SHANK2: variants seen among roughly 807,000 people sequenced by gnomAD.
SHANK2 encodes the protein SH3 and multiple ankyrin repeat domains protein 2.
A neutral mutation model predicts 133.7 loss-of-function variants in SHANK2; 43 were observed. The observed-to-expected ratio is 0.32, with a 90% CI of 0.25 to 0.41. The LOEUF is 0.41. Among genes scored for constraint, SHANK2 ranks in the 10% least tolerant of loss-of-function variants. SHANK2 has a pLI of 1.00. For missense variants in SHANK2, 1,994 were observed against 2,235.8 expected (o/e 0.89, Z 2.18); for synonymous variants, 1,017 against 952.8 (o/e 1.07, Z -1.24).
chr11:70,623,092 C>T (rs1465810090), intron 17 of SHANK2, among the ~76,000 whole-genome samples: 8 of 152,074 alleles, frequency 5.3e-5, no homozygotes, highest in South Asian at 2.1e-4. Context: ...AGGAGAATGG[C>T]GTGAACCCGG....
At chr11:70,794,112 C>T (rs921880679) in intron 14 of SHANK2, among the ~76,000 whole-genome samples, 1 of 152,016 alleles carries the variant, frequency 6.6e-6, no homozygotes, top group Non-Finnish European at 1.5e-5. Context: ...GAAATCCCCT[C>T]CTTACTAAAA....
intron 1 of SHANK2, among the ~76,000 whole-genome samples, chr11:71,246,607 C>T (rs1242343170): frequency 6.6e-6 from 1 of 152,122 alleles, no homozygotes; most frequent in Non-Finnish European, 1.5e-5. Flanking sequence ...GTAGACCCAG[C>T]TCAGTCTAAA....
chr11:70,595,142 C>A (rs1001630146), intron 17 of SHANK2, among the ~76,000 whole-genome samples: 6 of 152,158 alleles, frequency 3.9e-5, no homozygotes, highest in Non-Finnish European at 8.8e-5. Context: ...TTGCTCTCTG[C>A]CAGGGTACAA....
At chr11:70,675,489 C>A (rs1944889685) in intron 15 of SHANK2, among the ~76,000 whole-genome samples, 1 of 152,160 alleles carries the variant, frequency 6.6e-6, no homozygotes, top group Non-Finnish European at 1.5e-5. Context: ...GGTTACTGAA[C>A]GATAGTGATA....
chr11:70,901,415 G>A (rs1267988597), intron 10 of SHANK2, among the ~76,000 whole-genome samples: 2 of 152,214 alleles, frequency 1.3e-5, no homozygotes, highest in Admixed American at 1.3e-4. Flanking sequence ...AAAGTGCCCT[G>A]CGCAGGGGAA....
Position 70,728,070 on chromosome 11 carries a change from A to C in SHANK2, c.1778-29307T>G, listed in dbSNP as rs782038718. Among the ~76,000 whole-genome samples the C allele has an allele frequency of 3.0e-4, 45 of 152,234 alleles. 1 individual carries two copies. Among genetic ancestry groups the C allele is most frequent in the Non-Finnish European group, 1.0e-4 (7 of 68,032 alleles). ...AGAGTAAATGAATATGCAAGCACCC[A>C]GTGTCAGGGCAAGAACAGGCAGGTG... On this transcript the variant is annotated intron_variant, in intron 14 of 25. Coordinates refer to ENST00000601538, the MANE Select transcript of SHANK2 (RefSeq NM_012309.5).
At chr11:70,524,125 C>T (rs1056912839) in intron 17 of SHANK2, among the ~76,000 whole-genome samples, 8 of 152,194 alleles carry the variant, frequency 5.3e-5, no homozygotes, top group Admixed American at 4.6e-4. Flanking sequence ...CCCTATGGAC[C>T]AGGTGGCGAC....
intron 10 of SHANK2, chr11:70,951,063 A>T: frequency 3.3e-6 from 1 of 300,828 alleles, no homozygotes; most frequent in Non-Finnish European, 6.4e-6. Context: ...GATTAGCCCC[A>T]TTTCAAAGAA....
intron 15 of SHANK2, among the ~76,000 whole-genome samples, chr11:70,677,808 C>T (rs1944931841): frequency 6.6e-6 from 1 of 152,220 alleles, no homozygotes; most frequent in African/African-American, 2.4e-5. Flanking sequence ...AAGCCAGGGT[C>T]CTTGCGTACC....
At chr11:70,481,957 G>A (rs1247074873) in intron 25 of SHANK2, among the ~76,000 whole-genome samples, 5 of 18,586 alleles carry the variant, frequency 2.7e-4, no homozygotes, top group Non-Finnish European at 8.1e-4. Flanking sequence ...TGGCAACTCC[G>A]TCCTGGACCC....
chr11:70,494,018 G>A (rs544658426), intron 21 of SHANK2, among the ~76,000 whole-genome samples: 16 of 152,324 alleles, frequency 1.1e-4, no homozygotes, highest in African/African-American at 3.8e-4. Context: ...CAGAGCCACG[G>A]CACGGATCAG....
At chr11:70,842,998 G>A (rs782617017) in intron 11 of SHANK2, among the ~76,000 whole-genome samples, 2 of 152,096 alleles carry the variant, frequency 1.3e-5, no homozygotes, top group Non-Finnish European at 2.9e-5. Context: ...GGTGTGGCTC[G>A]CATCTGCACA....
At chr11:70,599,574 C>T (rs1234530411) in intron 17 of SHANK2, among the ~76,000 whole-genome samples, 4 of 86,370 alleles carry the variant, frequency 4.6e-5, no homozygotes, top group Non-Finnish European at 9.1e-5. Context: ...CGCCACTGCA[C>T]TCCAGCCTGG....
intron 11 of SHANK2, among the ~76,000 whole-genome samples, chr11:70,888,730 T>C (rs1949786139): frequency 6.6e-6 from 1 of 151,762 alleles, no homozygotes; most frequent in Non-Finnish European, 1.5e-5. Flanking sequence ...GGCAGCAGAA[T>C]CGCTTGAACC....
At chr11:70,846,750 C>T (rs1359084124) in intron 11 of SHANK2, among the ~76,000 whole-genome samples, 2 of 152,182 alleles carry the variant, frequency 1.3e-5, no homozygotes, top group Non-Finnish European at 2.9e-5. Flanking sequence ...GGGAAGGAGC[C>T]AGTGCTCCGA....
intron 1 of SHANK2, among the ~76,000 whole-genome samples, chr11:71,242,988 G>A (rs111926292): frequency 1.2e-4 from 19 of 152,268 alleles, no homozygotes; most frequent in African/African-American, 3.1e-4. Context: ...AATAAACCAC[G>A]GGGAAATTGG....
rs181008365 is a variant in SHANK2 at position 70,696,576 on chromosome 11, C to T, written c.1853+2112G>A. ...AGTCCCTGACCTGCCTTTAGGGCTG[C>T]GTTTGTGGCCAGGCCATGGATCACA... On this transcript the variant is annotated intron_variant, in intron 15 of 25. Transcript: ENST00000601538. Among the ~76,000 whole-genome samples the T allele has an allele frequency of 2.0e-3, 305 of 152,308 alleles. 2 individuals are homozygous for T. The highest frequency in any genetic ancestry group is 3.4e-3 in the Middle Eastern group (1 of 294).
At chr11:71,212,904 A>T (rs1954312868) in intron 2 of SHANK2, among the ~76,000 whole-genome samples, 2 of 151,710 alleles carry the variant, frequency 1.3e-5, no homozygotes, top group Admixed American at 1.3e-4. Context: ...AGGCACAGGG[A>T]GAGGAGCAGG....
intron 17 of SHANK2, among the ~76,000 whole-genome samples, chr11:70,528,211 G>A (rs565135742): frequency 6.6e-5 from 10 of 152,340 alleles, no homozygotes; most frequent in African/African-American, 1.2e-4. Context: ...GTCCCCAGGC[G>A]TCCCTGAGGT....
Sources: allele counts gnomAD v4.1 joint callset (sites outside exome capture counted in the v4.1 genomes callset), GRCh38; gene constraint gnomAD v4.1.1; transcripts MANE v1.5; gene names NCBI Gene and HGNC (gene_info 2026-07-23, HGNC 2026-07-21).